The following LOXHD1 variants were observed in gnomAD, a reference collection of about 807,000 sequenced individuals.
The protein encoded by LOXHD1 is lipoxygenase homology PLAT domains 1, also known as lipoxygenase homology domain-containing protein 1.
In LOXHD1, 205 loss-of-function variants were observed where a neutral mutation model predicts 248.2. The observed-to-expected ratio is 0.83, with a 90% CI of 0.74 to 0.93. LOXHD1 has a LOEUF of 0.93. Ranked by LOEUF, LOXHD1 falls within the 40% of genes least tolerant of loss-of-function variation. The pLI, the probability that LOXHD1 is intolerant of heterozygous loss-of-function variation, is 0.00. For synonymous variants in LOXHD1, 1,113 were observed against 1,162.8 expected (o/e 0.96, Z 0.87); for missense variants, 2,930 against 2,971.6 (o/e 0.99, Z 0.33).
rs570349541 is a variant in LOXHD1 at position 46,515,479 on chromosome 18, C to A, written c.5399+2650G>T. 4.6e-5 allele frequency among the ~76,000 whole-genome samples: 7 copies of A among 152,122 alleles called. No homozygotes were observed. In the South Asian group the frequency reaches 1.2e-3, roughly 27 times the overall value. Reference sequence around the variant, plus strand: ...AAATCTTTATTCAGAAAAAAAAAATCTTTTAACTAGCAAGGTGGCTCAAAG... The same window carrying A: ...AAATCTTTATTCAGAAAAAAAAAATATTTTAACTAGCAAGGTGGCTCAAAG... On this transcript the variant is annotated intron_variant, in intron 34 of 40. Transcript: ENST00000642948.
At chr18:46,565,260 CAA>C (rs56205039) in intron 17 of LOXHD1, among the ~76,000 whole-genome samples, 4 of 148,786 alleles carry the variant, frequency 2.7e-5, no homozygotes, top group South Asian at 2.1e-4. Context: ...GGCTCTGTCT[CAA>C]AAAAAAAAAT....
rs1273024412 is a variant in LOXHD1, at chr18:46,524,451, C to T, written c.4876+15G>A. The T allele has an allele frequency of 1.3e-6, 2 of 1,545,608 alleles. No homozygotes were observed. Among genetic ancestry groups the T allele is most frequent in the Non-Finnish European group, 1.8e-6 (2 of 1,141,822 alleles). On this transcript the variant is annotated intron_variant, in intron 31 of 40. Transcript: ENST00000642948. The stretch of plus-strand genomic sequence containing the variant: ...GTGCCTGGCCCCCGTCCAAAGAGCT[C>T]CCTGGTTGGCTTACTTGGGCCCTCT...
At position 46,534,358 on chromosome 18, in the gene LOXHD1, G is replaced by A. The variant is rs1318962987; in HGVS notation, c.4189C>T (p.Arg1397Cys). ...ACGTCTTTATCCGGGAGGAGCCTGCGGATGTCCACGTGAGAGCAGTGCCAC... is the reference window on the plus strand; with the variant it reads ...ACGTCTTTATCCGGGAGGAGCCTGCAGATGTCCACGTGAGAGCAGTGCCAC... ...PGWHCSHVDI[R>C]RLLPDKDGAE... Residue 1397 changes from arginine to cysteine, a missense_variant, in exon 27 of 41, where the codon CGC becomes TGC. Physicochemically the swap from Arg to Cys is radical, Grantham distance 180. Transcript: ENST00000642948. The A allele has an allele frequency of 1.4e-5, 22 of 1,551,318 alleles. No individual in the cohort carries two copies. Among genetic ancestry groups the A allele is most frequent in the East Asian group, 2.4e-5 (1 of 40,932 alleles).
chr18:46,637,766 A>G (rs1206025500), intron 4 of LOXHD1, among the ~76,000 whole-genome samples: 3 of 152,178 alleles, frequency 2.0e-5, no homozygotes. Flanking sequence ...AAATGTTGGC[A>G]AGGGTGAGGG....
intron 38 of LOXHD1, among the ~76,000 whole-genome samples, chr18:46,485,698 G>A (rs1007856167): frequency 2.0e-5 from 3 of 152,114 alleles, no homozygotes; most frequent in Non-Finnish European, 2.9e-5. Context: ...CTAGACCCTG[G>A]GTGACACTAG....
intron 8 of LOXHD1, among the ~76,000 whole-genome samples, chr18:46,596,362 G>A (rs1362929927): frequency 6.6e-6 from 1 of 152,126 alleles, no homozygotes; most frequent in Non-Finnish European, 1.5e-5. Flanking sequence ...AAAATTCAGA[G>A]TAAGCAGAAA....
rs1280631568 is a variant in LOXHD1, at chr18:46,477,300, G to T, written c.*172C>A. 8 of 863,146 alleles carry T rather than the reference G, an allele frequency of 9.3e-6. No individual in the cohort carries two copies. The East Asian group carries it at 1.6e-4, about 17-fold the overall frequency. The allele number at this position is 863,146 out of a possible 1,614,324, so 53.5% of individuals were successfully genotyped here. A position where few individuals can be genotyped will look rare whatever the true frequency, so the allele number is the denominator to read the frequency against. Reference sequence around the variant, plus strand: ...ATGACACATGCTAATTATTATCACTGTAGGTTCAATAAACTGGGGGTAGGG... The same window carrying T: ...ATGACACATGCTAATTATTATCACTTTAGGTTCAATAAACTGGGGGTAGGG... On this transcript the variant is annotated 3_prime_UTR_variant, in exon 41 of 41. Coordinates refer to ENST00000642948, the MANE Select transcript of LOXHD1 (RefSeq NM_001384474.1).
At position 46,477,313 on chromosome 18, in the gene LOXHD1, ACTGGGGG is replaced by A; in HGVS notation, c.*152_*158del. 2.1e-6 allele frequency: 2 copies of A among 944,130 alleles called. No homozygotes were observed. The highest frequency in any genetic ancestry group is 3.4e-6 in the Non-Finnish European group (2 of 595,840). 58.5% of individuals were successfully genotyped at this position (944,130 alleles called of 1,614,324 possible). On this transcript the variant is annotated 3_prime_UTR_variant, in exon 41 of 41. Transcript: ENST00000642948. ...ATTATTATCACTGTAGGTTCAATAA[ACTGGGGG>A]TAGGGTGGGGAGCAGGACCCCATGA...
rs777559569 is a variant in LOXHD1, at chr18:46,529,199, G to A, written c.4508C>T (p.Thr1503Ile). 4 of 1,551,572 alleles carry A rather than the reference G, an allele frequency of 2.6e-6. No individual in the cohort carries two copies. The part of the protein sequence containing the change: ...ERYLGKSENR[T>I]NKFERGTADT... ...TACCGTTCCTCTCTCGAACTTGTTG[G>A]TCCGGTTCTCTGACTTGCCAAGGTA... Residue 1503 changes from threonine to isoleucine, a missense_variant, in exon 29 of 41, where the codon ACC becomes ATC. By Grantham distance (89) the Thr-to-Ile change is moderately conservative (BLOSUM62 -1). Transcript: ENST00000642948.
intron 28 of LOXHD1, among the ~76,000 whole-genome samples, chr18:46,530,904 T>C (rs1449281363): frequency 1.3e-5 from 2 of 152,124 alleles, no homozygotes; most frequent in Non-Finnish European, 2.9e-5. Context: ...TCAGCTCTCA[T>C]CTTGCACTTC....
chr18:46,648,737 CA>C (rs921597318), intron 2 of LOXHD1, among the ~76,000 whole-genome samples: 3 of 152,210 alleles, frequency 2.0e-5, no homozygotes, highest in African/African-American at 7.2e-5. Context: ...AGGTTTAACA[CA>C]ACACTGGTCC....
intron 4 of LOXHD1, among the ~76,000 whole-genome samples, chr18:46,623,110 C>CT (rs1489855905): frequency 1.3e-5 from 2 of 152,166 alleles, no homozygotes; most frequent in African/African-American, 4.8e-5. Context: ...TCTCTCTGGC[C>CT]TTTTAGCAGG....
At chr18:46,479,181 G>A (rs140176178) in intron 40 of LOXHD1, among the ~76,000 whole-genome samples, 2 of 151,530 alleles carry the variant, frequency 1.3e-5, no homozygotes, top group Admixed American at 6.6e-5. Context: ...TTAAATGTAC[G>A]CTCCCAGATC....
chr18:46,626,614 G>A (rs961521145), intron 4 of LOXHD1, among the ~76,000 whole-genome samples: 2 of 152,182 alleles, frequency 1.3e-5, no homozygotes, highest in African/African-American at 4.8e-5. Context: ...AAACAACATG[G>A]TTATAAAATT....
At chr18:46,535,915 G>A (rs1429777873) in intron 26 of LOXHD1, among the ~76,000 whole-genome samples, 1 of 152,080 alleles carries the variant, frequency 6.6e-6, no homozygotes, top group East Asian at 1.9e-4. Flanking sequence ...GGCCTTTAGG[G>A]GACAGCTACT....
At chr18:46,533,607 AG>A in intron 27 of LOXHD1, 4 of 395,782 alleles carry the variant, frequency 1.0e-5, no homozygotes, top group South Asian at 2.8e-5. Context: ...GGGTAAGAGG[AG>A]GGGGGTGCTC....
chr18:46,505,451 G>A (rs1473495430), intron 37 of LOXHD1, among the ~76,000 whole-genome samples: 1 of 152,112 alleles, frequency 6.6e-6, no homozygotes, highest in Non-Finnish European at 1.5e-5. Context: ...CCAAAGTTCT[G>A]GGATTACAGG....
At chr18:46,492,265 G>T (rs2033539661) in intron 37 of LOXHD1, among the ~76,000 whole-genome samples, 1 of 152,234 alleles carries the variant, frequency 6.6e-6, no homozygotes, top group Non-Finnish European at 1.5e-5. Context: ...CTTGGCCTTA[G>T]CAGATGTATT....
intron 4 of LOXHD1, among the ~76,000 whole-genome samples, chr18:46,625,141 C>T (rs2038722755): frequency 6.6e-6 from 1 of 152,176 alleles, no homozygotes; most frequent in South Asian, 2.1e-4. Flanking sequence ...AAGGTTCTCT[C>T]TTGGCTGTCA....
Sources: allele counts gnomAD v4.1 joint callset (sites outside exome capture counted in the v4.1 genomes callset), GRCh38; gene constraint gnomAD v4.1.1; transcripts MANE v1.5; gene names NCBI Gene and HGNC (gene_info 2026-07-23, HGNC 2026-07-21).